Variants in RGP1 observed in about 807,000 individuals in gnomAD.
RGP1 encodes the protein RGP1 partner of RAB6A GEF complex, also known as RAB6A-GEF complex partner protein 2.
Under a neutral mutation model 44.5 loss-of-function variants are expected in RGP1, and 28 were observed. That is an observed-to-expected ratio of 0.63 (90% CI 0.47 to 0.86). The LOEUF is 0.86. Ranked by LOEUF, RGP1 falls within the 40% of genes least tolerant of loss-of-function variation. The probability of loss-of-function intolerance (pLI) is 0.00; values close to 1 mark genes in which losing one functional copy is unlikely to be tolerated. For missense variants in RGP1, 417 were observed against 490.7 expected, an observed-to-expected ratio of 0.85 and a Z score of 1.42; for synonymous variants, 212 against 196.7, an observed-to-expected ratio of 1.08 and a Z score of -0.65.
intron 8 of RGP1, 119 bp downstream of exon 8, chr9:35,752,264 C>T: frequency 9.9e-7 from 1 of 1,008,940 alleles, no homozygotes; most frequent in Middle Eastern, 3.2e-4. Context: ...CGTCTAGCCT[C>T]TGACCCGGAA....
the RGP1 span, among the ~76,000 whole-genome samples, chr9:35,785,818 C>T: frequency 6.6e-5 from 10 of 152,284 alleles, no homozygotes; most frequent in Non-Finnish European, 8.8e-5. Context: ...GACTGTTTTT[C>T]GTCTTGTATA....
chr9:35,769,315 C>A, the RGP1 span, among the ~76,000 whole-genome samples: 166 of 152,354 alleles, frequency 1.1e-3, no homozygotes, highest in African/African-American at 3.3e-3. Context: ...TTTCCATCAG[C>A]ATCCACCTGT....
Position 35,753,957 on chromosome 9 carries a change from C to G in RGP1, c.*1083C>G, listed in dbSNP as rs557974712. ...TGTAAGGCCCCATCCTCCCTGTGCC[C>G]TCTCTGCTGCTCCTCCATTCCTAAC... is the stretch of plus-strand genomic sequence containing the variant. On this transcript the variant is annotated 3_prime_UTR_variant, in exon 9 of 9. Transcript: ENST00000378078. The surrounding 1 kb of genome is among the most constrained non-coding windows in gnomAD (Gnocchi z 4.2). 5.0e-6 allele frequency: 8 copies of G among 1,590,816 alleles called. No individual in the cohort carries two copies. The South Asian group carries it at 9.1e-5, about 18-fold the overall frequency.
chr9:35,772,652 G>A, the RGP1 span, among the ~76,000 whole-genome samples: 2 of 152,190 alleles, frequency 1.3e-5, no homozygotes, highest in Non-Finnish European at 2.9e-5. Context: ...TTAGCCGGGC[G>A]TGGTGGCGGG....
In RGP1 at chr9:35,755,196, A is replaced by T. The variant is rs1193684990; in HGVS notation, c.*2322A>T. 5 of 152,316 alleles carry T rather than the reference A, an allele frequency of 3.3e-5. No individual in the cohort carries two copies. In the East Asian group the frequency reaches 7.7e-4, roughly 24 times the overall value. 9.4% of individuals were successfully genotyped at this position (152,316 alleles called of 1,614,324 possible). On this transcript the variant is annotated 3_prime_UTR_variant, in exon 9 of 9. Coordinates refer to ENST00000378078, the MANE Select transcript of RGP1 (RefSeq NM_001080496.3). Reference sequence around the variant, plus strand: ...TTCACCTCTCTGAGCCTGTTTCCTCATCTATAAATTGGGGATAGTAATGCC... The same window carrying T: ...TTCACCTCTCTGAGCCTGTTTCCTCTTCTATAAATTGGGGATAGTAATGCC...
rs1212954227 is a variant in RGP1 at position 35,755,801 on chromosome 9, G to A, written c.*2927G>A. 6.6e-6 allele frequency: 1 copy of A among 152,214 alleles called. No homozygotes were observed. The highest frequency in any genetic ancestry group is 1.5e-5 in the Non-Finnish European group (1 of 68,068). The allele number at this position is 152,214 out of a possible 1,614,324, so 9.4% of individuals were successfully genotyped here. A position where few individuals can be genotyped will look rare whatever the true frequency, so the allele number is the denominator to read the frequency against. On this transcript the variant is annotated 3_prime_UTR_variant, in exon 9 of 9. Transcript: ENST00000378078. Reference sequence around the variant, plus strand: ...ACTGGTACTGGCCTGTGGCCTGGGGGATGGAGACCCCTAATCCATGTCACC... The same window carrying A: ...ACTGGTACTGGCCTGTGGCCTGGGGAATGGAGACCCCTAATCCATGTCACC...
Position 35,750,392 on chromosome 9 carries a change from C to T in RGP1, c.253+13C>T, listed in dbSNP as rs771419036. On this transcript the variant is annotated intron_variant, in intron 3 of 8. Transcript: ENST00000378078. ...CTGCCACACCGAGGTTAGAGAGGGG[C>T]ATTTGCCTGGGAGAGGGGGGGTGCG... 6 of 1,613,376 alleles carry T rather than the reference C, an allele frequency of 3.7e-6. No individual in the cohort carries two copies. Among genetic ancestry groups the T allele is most frequent in the South Asian group, 3.3e-5 (3 of 91,034 alleles).
chr9:35,786,262 C>A, the RGP1 span, among the ~76,000 whole-genome samples: 1 of 152,204 alleles, frequency 6.6e-6, no homozygotes, highest in Non-Finnish European at 1.5e-5. Flanking sequence ...TTGCCACTTG[C>A]CTCTTGCCAC....
the RGP1 span, among the ~76,000 whole-genome samples, chr9:35,767,726 T>C: frequency 6.6e-6 from 1 of 152,346 alleles, no homozygotes; most frequent in East Asian, 1.9e-4. Context: ...AAATTCATCA[T>C]GGCATTCTTT....
At position 35,756,580 on chromosome 9, in the gene RGP1, G is replaced by C. The variant is rs1390658554; in HGVS notation, c.*3706G>C. 1 of 152,416 alleles carries C rather than the reference G, an allele frequency of 6.6e-6. No homozygotes were observed. Among genetic ancestry groups the C allele is most frequent in the African/African-American group, 2.4e-5 (1 of 41,476 alleles). The allele number at this position is 152,416 out of a possible 1,614,324, so 9.4% of individuals were successfully genotyped here. A position where few individuals can be genotyped will look rare whatever the true frequency, so the allele number is the denominator to read the frequency against. On this transcript the variant is annotated 3_prime_UTR_variant, in exon 9 of 9. Coordinates refer to ENST00000378078, the MANE Select transcript of RGP1 (RefSeq NM_001080496.3). Reference sequence around the variant, plus strand: ...TCTCTGGGCTGGAGCAGGTGGATTCGAAGGCCTGTCTAGCACGAGGGCCCA... The same window carrying C: ...TCTCTGGGCTGGAGCAGGTGGATTCCAAGGCCTGTCTAGCACGAGGGCCCA...
Position 35,750,446 on chromosome 9 carries a change from A to C in RGP1, c.253+67A>C. The C allele has an allele frequency of 1.9e-6, 3 of 1,552,064 alleles. No homozygotes were observed. The Admixed American group carries it at 5.2e-5, about 27-fold the overall frequency. The stretch of plus-strand genomic sequence containing the variant: ...GGTGTGTGTGGAGGCATTGTCACCC[A>C]TGGGTGAAGTTGTTAATTGTTCTTG... On this transcript the variant is annotated intron_variant, in intron 3 of 8. Transcript: ENST00000378078.
chr9:35,763,903 AAAGAG>A, the RGP1 span, among the ~76,000 whole-genome samples: 6 of 151,034 alleles, frequency 4.0e-5, no homozygotes, highest in African/African-American at 1.5e-4. Context: ...AAAAAAAAGA[AAAGAG>A]AAAAGAAAAA....
the RGP1 span, among the ~76,000 whole-genome samples, chr9:35,773,681 T>G: frequency 2.5e-3 from 387 of 152,176 alleles, 7 homozygotes; most frequent in East Asian, 2.9e-3. Flanking sequence ...TTTGTGTTTT[T>G]AGTAGAGATG....
chr9:35,749,685 A>T lies in RGP1; in HGVS notation c.-19-52A>T. 1 of 1,118,774 alleles carries T rather than the reference A, an allele frequency of 8.9e-7. No individual in the cohort carries two copies. Among genetic ancestry groups the T allele is most frequent in the Admixed American group, 1.9e-5 (1 of 53,036 alleles). 69.3% of individuals were successfully genotyped at this position (1,118,774 alleles called of 1,614,324 possible). A position where few individuals can be genotyped will look rare whatever the true frequency, so the allele number is the denominator to read the frequency against. On this transcript the variant is annotated intron_variant, in intron 1 of 8. Transcript: ENST00000378078. The surrounding 1 kb of genome is among the most constrained non-coding windows in gnomAD (Gnocchi z 4.4). The stretch of plus-strand genomic sequence containing the variant: ...CCCTCAGCCCTAGGTGCTCACCGCA[A>T]CGCCCCTCCCTGTCAAGGTGCTGAC...
the RGP1 span, among the ~76,000 whole-genome samples, chr9:35,787,085 G>GT: frequency 1.3e-5 from 2 of 148,542 alleles, no homozygotes; most frequent in Non-Finnish European, 1.5e-5. Flanking sequence ...GGGCGACAGT[G>GT]TAAGACTCTG....
At chr9:35,751,799 G>C in intron 7 of RGP1, 45 bp downstream of exon 7, 1 of 1,612,666 alleles carries the variant, frequency 6.2e-7, no homozygotes, top group East Asian at 2.2e-5. Flanking sequence ...TGCTGGGGTT[G>C]AAGGGCTAGG....
chr9:35,769,486 A>C, the RGP1 span, among the ~76,000 whole-genome samples: 129 of 152,372 alleles, frequency 8.5e-4, 1 homozygote, highest in African/African-American at 3.0e-3. Context: ...ACATGAATAC[A>C]ATGAAGTTTG....
the RGP1 span, among the ~76,000 whole-genome samples, chr9:35,773,660 C>T: frequency 7.9e-5 from 12 of 151,934 alleles, no homozygotes; most frequent in Non-Finnish European, 1.8e-4. Flanking sequence ...TGCCACTAGG[C>T]CTGGCTAATT....
chr9:35,752,514 A>ACAGCT (rs1827283517), intron 8 of RGP1, 137 bp from the exon 9 acceptor site: 3 of 783,936 alleles, frequency 3.8e-6, no homozygotes, highest in Non-Finnish European at 6.2e-6. Context: ...ACCCTTAATC[A>ACAGCT]CAGCTCCCTG....
Sources: gnomAD v4.1 joint callset for allele counts (sites outside exome capture counted in the v4.1 genomes callset) on GRCh38, gnomAD v4.1.1 for gene constraint, Gnocchi (gnomAD v3.1) non-coding constraint, MANE v1.5 for transcripts, NCBI Gene and HGNC (gene_info 2026-07-23, HGNC 2026-07-21) for gene names.